The following HS3ST2 variants were observed in gnomAD, a reference collection of about 807,000 sequenced individuals.
HS3ST2 encodes heparan sulfate glucosamine 3-O-sulfotransferase 2.
Under a neutral mutation model 26.3 loss-of-function variants are expected in HS3ST2, and 17 were observed. The observed-to-expected ratio is 0.65, with a 90% CI of 0.44 to 0.97. HS3ST2 has a LOEUF of 0.97. HS3ST2 is among the 50% of genes least tolerant of loss of function. HS3ST2 has a pLI of 0.00. For missense variants in HS3ST2, 402 were observed against 501.2 expected (o/e 0.80, Z 1.89); for synonymous variants, 237 against 219.2 (o/e 1.08, Z -0.72).
chr16:22,904,684 A>G (rs1902326445), intron 1 of HS3ST2, among the ~76,000 whole-genome samples: 1 of 152,228 alleles, frequency 6.6e-6, no homozygotes, highest in Non-Finnish European at 1.5e-5. Context: ...GGAGGAGTAC[A>G]GACTGGCTTC....
intron 1 of HS3ST2, among the ~76,000 whole-genome samples, chr16:22,839,294 A>G (rs753585593): frequency 6.6e-6 from 1 of 152,230 alleles, no homozygotes; most frequent in Non-Finnish European, 1.5e-5. Context: ...CAGACTGTTT[A>G]CTTATAGCTG....
chr16:22,863,431 T>C (rs1901706651), intron 1 of HS3ST2, among the ~76,000 whole-genome samples: 4 of 152,208 alleles, frequency 2.6e-5, no homozygotes, highest in Admixed American at 1.3e-4. Flanking sequence ...TTTTAAAAAA[T>C]AATTTTAACT....
chr16:22,914,910 C>T (rs760049551), intron 1 of HS3ST2, 34 bp from the exon 2 acceptor site: 30 of 1,574,860 alleles, frequency 1.9e-5, no homozygotes, highest in Middle Eastern at 1.7e-4. Context: ...CCCAGGGAAA[C>T]CTATTTGATG....
At chr16:22,838,157 C>G (rs1176567508) in intron 1 of HS3ST2, among the ~76,000 whole-genome samples, 1 of 152,040 alleles carries the variant, frequency 6.6e-6, no homozygotes, top group Non-Finnish European at 1.5e-5. Flanking sequence ...TTGTTCAGCT[C>G]TAGAATCTGT....
intron 1 of HS3ST2, among the ~76,000 whole-genome samples, chr16:22,861,477 G>A (rs1287347777): frequency 2.0e-5 from 3 of 151,884 alleles, no homozygotes; most frequent in African/African-American, 7.3e-5. Context: ...CAGTGGGTAG[G>A]TGAAGTGACC....
At chr16:22,905,527 T>C (rs1902340724) in intron 1 of HS3ST2, among the ~76,000 whole-genome samples, 1 of 151,982 alleles carries the variant, frequency 6.6e-6, no homozygotes, top group Non-Finnish European at 1.5e-5. Flanking sequence ...AAGAGGGACA[T>C]ATCTTCACCA....
Position 22,818,733 on chromosome 16 carries a change from C to CT in HS3ST2, c.485+3639dup, listed in dbSNP as rs1207576712. Among the ~76,000 whole-genome samples the CT allele has an allele frequency of 8.0e-4, 14 of 17,558 alleles. 1 individual carries two copies. The highest frequency in any genetic ancestry group is 3.5e-3 in the African/African-American group (12 of 3,452). The allele number at this position is 17,558 out of a possible 152,430, so 11.5% of individuals were successfully genotyped here. A position where few individuals can be genotyped will look rare whatever the true frequency, so the allele number is the denominator to read the frequency against. ...CCTCCTTCCTTCCTTCCCTCCCTCCCTCCTTCCCTTCCTTCCTTCCTTCCT... is the reference window on the plus strand; with the variant it reads ...CCTCCTTCCTTCCTTCCCTCCCTCCCTTCCTTCCCTTCCTTCCTTCCTTCCT... On this transcript the variant is annotated intron_variant, in intron 1 of 1. Coordinates refer to ENST00000261374, the MANE Select transcript of HS3ST2 (RefSeq NM_006043.2).
intron 1 of HS3ST2, among the ~76,000 whole-genome samples, chr16:22,850,916 G>C (rs923947785): frequency 6.6e-6 from 1 of 152,234 alleles, no homozygotes. Context: ...GTTCTACTGG[G>C]ATGAATGTCA....
At chr16:22,879,506 C>T (rs1346455166) in intron 1 of HS3ST2, among the ~76,000 whole-genome samples, 1 of 152,158 alleles carries the variant, frequency 6.6e-6, no homozygotes, top group Admixed American at 6.6e-5. Context: ...GATGAGCACA[C>T]TCTGCTGGGG....
chr16:22,905,095 G>T (rs1902332826), intron 1 of HS3ST2, among the ~76,000 whole-genome samples: 2 of 152,224 alleles, frequency 1.3e-5, no homozygotes, highest in Non-Finnish European at 2.9e-5. Flanking sequence ...TGGTTGCCCA[G>T]TTAGAAGCCA....
At chr16:22,827,217 C>T (rs964947227) in intron 1 of HS3ST2, among the ~76,000 whole-genome samples, 1 of 152,124 alleles carries the variant, frequency 6.6e-6, no homozygotes, top group African/African-American at 2.4e-5. Context: ...ACCCAGGGGC[C>T]AGTATGTCCA....
chr16:22,901,092 G>A (rs983482348), intron 1 of HS3ST2, among the ~76,000 whole-genome samples: 8 of 152,104 alleles, frequency 5.3e-5, no homozygotes, highest in Non-Finnish European at 8.8e-5. Flanking sequence ...CGGGACTCTC[G>A]CAGCTTTGAC....
At chr16:22,866,542 G>A (rs1353472673) in intron 1 of HS3ST2, among the ~76,000 whole-genome samples, 1 of 152,148 alleles carries the variant, frequency 6.6e-6, no homozygotes. Flanking sequence ...GGCTAAGGCA[G>A]GCAGATCACT....
chr16:22,904,046 G>A (rs1902316719), intron 1 of HS3ST2, among the ~76,000 whole-genome samples: 1 of 152,162 alleles, frequency 6.6e-6, no homozygotes, highest in Non-Finnish European at 1.5e-5. Flanking sequence ...TTAGATACCA[G>A]CTATTTACAG....
intron 1 of HS3ST2, among the ~76,000 whole-genome samples, chr16:22,889,924 T>A (rs1902108252): frequency 6.6e-6 from 1 of 152,178 alleles, no homozygotes; most frequent in African/African-American, 2.4e-5. Flanking sequence ...AAAAATAAAG[T>A]AAAATACAAC....
At chr16:22,821,434 T>C (rs939531122) in intron 1 of HS3ST2, among the ~76,000 whole-genome samples, 5 of 151,256 alleles carry the variant, frequency 3.3e-5, no homozygotes, top group Non-Finnish European at 7.4e-5. Flanking sequence ...AGTGACAGGG[T>C]GCATGGGGAC....
chr16:22,861,470 T>G (rs1013301549), intron 1 of HS3ST2, among the ~76,000 whole-genome samples: 1 of 151,846 alleles, frequency 6.6e-6, no homozygotes, highest in Non-Finnish European at 1.5e-5. Context: ...GGAATGGCAG[T>G]GGGTAGGTGA....
chr16:22,908,535 A>C (rs1426603039), intron 1 of HS3ST2, among the ~76,000 whole-genome samples: 1 of 152,194 alleles, frequency 6.6e-6, no homozygotes, highest in Non-Finnish European at 1.5e-5. Flanking sequence ...AAGAGGCTCC[A>C]TCTGGTGAGG....
chr16:22,903,974 T>C lies in HS3ST2; in HGVS notation c.486-10970T>C, dbSNP rs535221865. Among the ~76,000 whole-genome samples the C allele has an allele frequency of 2.0e-5, 3 of 152,282 alleles. No homozygotes were observed. In the South Asian group the frequency reaches 6.2e-4, roughly 32 times the overall value. ...TTCAGCTTTATCAACTTCCCTCTTA[T>C]AGCGCAGGGATTAGAGCAGCCTTGT... On this transcript the variant is annotated intron_variant, in intron 1 of 1. Coordinates refer to ENST00000261374, the MANE Select transcript of HS3ST2 (RefSeq NM_006043.2).
Sources: gnomAD v4.1 joint callset for allele counts (sites outside exome capture counted in the v4.1 genomes callset) on GRCh38, gnomAD v4.1.1 for gene constraint, MANE v1.5 for transcripts, NCBI Gene and HGNC (gene_info 2026-07-23, HGNC 2026-07-21) for gene names.